Variants in SBK1 observed in about 807,000 individuals in gnomAD.
The protein encoded by SBK1 is SH3 domain binding kinase 1.
In SBK1, 11 loss-of-function variants were observed where a neutral mutation model predicts 24.4. The observed-to-expected ratio is 0.45, with a 90% confidence interval of 0.28 to 0.75. SBK1 has a LOEUF of 0.75. Among genes scored for constraint, SBK1 ranks in the 30% least tolerant of loss-of-function variants. The pLI is 0.12. For missense variants in SBK1, 467 were observed against 620.5 expected, an observed-to-expected ratio of 0.75 and a Z score of 2.63; for synonymous variants, 308 against 284.4, an observed-to-expected ratio of 1.08 and a Z score of -0.83.
intron 1 of SBK1, among the ~76,000 whole-genome samples, chr16:28,296,568 T>C (rs913171898): frequency 6.6e-6 from 1 of 152,102 alleles, no homozygotes; most frequent in African/African-American, 2.4e-5. Flanking sequence ...TTCGTCTGTG[T>C]GTGTTCTGCA....
chr16:28,302,149 G>A (rs926100401), intron 1 of SBK1, among the ~76,000 whole-genome samples: 9 of 152,178 alleles, frequency 5.9e-5, no homozygotes, highest in East Asian at 1.9e-4. Flanking sequence ...ATGGTGCCCC[G>A]TGAAGGCAGA....
intron 1 of SBK1, among the ~76,000 whole-genome samples, chr16:28,276,650 A>T (rs1266598199): frequency 1.3e-5 from 2 of 148,226 alleles, no homozygotes; most frequent in Admixed American, 7.1e-5. Context: ...TTTTTATTTT[A>T]TTTATTTATT....
intron 1 of SBK1, among the ~76,000 whole-genome samples, chr16:28,284,096 G>A (rs1047045440): frequency 6.6e-6 from 1 of 152,104 alleles, no homozygotes; most frequent in Non-Finnish European, 1.5e-5. Context: ...TGGTGACTGA[G>A]TTGGTAACAC....
rs139599772 is a variant in SBK1, at chr16:28,271,143, G to T, written c.257+11641G>T. Among the ~76,000 whole-genome samples the T allele has an allele frequency of 8.6e-3, 1,312 of 152,066 alleles. 18 individuals carry two copies. The highest frequency in any genetic ancestry group is 0.03 in the African/African-American group (1,252 of 41,482). On this transcript the variant is annotated intron_variant, in intron 1 of 3. Transcript: ENST00000671413. Reference sequence around the variant, plus strand: ...CTCCCAAAGTGCTGGGATTACAGGCGTGAGCCACTGCACCCGGCCTACGCA... The same window carrying T: ...CTCCCAAAGTGCTGGGATTACAGGCTTGAGCCACTGCACCCGGCCTACGCA...
At chr16:28,281,845 G>C (rs1196591700) in intron 1 of SBK1, among the ~76,000 whole-genome samples, 1 of 152,172 alleles carries the variant, frequency 6.6e-6, no homozygotes, top group African/African-American at 2.4e-5. Flanking sequence ...GAACAGCCAG[G>C]TGGGTGTCCC....
At chr16:28,294,411 G>A (rs1688443461) in intron 1 of SBK1, among the ~76,000 whole-genome samples, 1 of 152,166 alleles carries the variant, frequency 6.6e-6, no homozygotes, top group Admixed American at 6.5e-5. Context: ...GGCTCGGGAA[G>A]GCAGGACCCA....
chr16:28,305,363 C>T (rs1192154257), intron 1 of SBK1, among the ~76,000 whole-genome samples: 1 of 151,992 alleles, frequency 6.6e-6, no homozygotes, highest in Non-Finnish European at 1.5e-5. Flanking sequence ...CAGGTGTGTG[C>T]TACCACACCT....
Position 28,292,532 on chromosome 16 carries a change from C to T in SBK1, c.-776C>T, listed in dbSNP as rs1320169036. ...GCTGGAGGGCGGAGCCGCGATGCCG[C>T]GATGGAGCGCAGCCCGGGCGGGCGC... On this transcript the variant is annotated 5_prime_UTR_variant, in exon 1 of 4. It introduces an in-frame stop codon into an upstream open reading frame of the 5' UTR. Transcript: ENST00000341901. 40 of 977,756 alleles carry T rather than the reference C, an allele frequency of 4.1e-5. No individual in the cohort carries two copies. Among genetic ancestry groups the T allele is most frequent in the Non-Finnish European group, 4.7e-5 (39 of 826,882 alleles). The allele number at this position is 977,756 out of a possible 1,614,324, so 60.6% of individuals were successfully genotyped here.
chr16:28,266,757 AAC>A lies in SBK1; in HGVS notation c.257+7257_257+7258del, dbSNP rs1491017024. On this transcript the variant is annotated intron_variant, in intron 1 of 3. Transcript: ENST00000671413. ...TCTTTTTTTTTTTTTTTAAAAAAAA[AAC>A]AAAACAGGATCTTGCTCTGTAGCCC... 5.9e-3 allele frequency among the ~76,000 whole-genome samples: 872 copies of A among 147,974 alleles called. 11 individuals carry two copies. Among genetic ancestry groups the A allele is most frequent in the African/African-American group, 0.02 (778 of 39,298 alleles).
Position 28,292,535 on chromosome 16 carries a change from T to C in SBK1, c.-773T>C, listed in dbSNP as rs1190540026. 3.1e-6 allele frequency: 3 copies of C among 970,560 alleles called. No homozygotes were observed. The highest frequency in any genetic ancestry group is 3.6e-6 in the Non-Finnish European group (3 of 825,204). 60.1% of individuals were successfully genotyped at this position (970,560 alleles called of 1,614,324 possible). A position where few individuals can be genotyped will look rare whatever the true frequency, so the allele number is the denominator to read the frequency against. On this transcript the variant is annotated 5_prime_UTR_variant, in exon 1 of 4. The change abolishes an upstream ATG in the 5' untranslated region. Transcript: ENST00000341901. ...GGAGGGCGGAGCCGCGATGCCGCGA[T>C]GGAGCGCAGCCCGGGCGGGCGCCGG...
intron 1 of SBK1, among the ~76,000 whole-genome samples, chr16:28,277,006 G>A (rs1028022231): frequency 6.6e-6 from 1 of 152,094 alleles, no homozygotes; most frequent in African/African-American, 2.4e-5. Flanking sequence ...GGCAAGCGAT[G>A]AAGAGGATAG....
intron 1 of SBK1, chr16:28,287,132 T>A (rs977530126): frequency 8.5e-4 from 124 of 145,532 alleles, no homozygotes; most frequent in African/African-American, 3.1e-3. Context: ...AATAAATAAA[T>A]AAAAATTAAA....
In SBK1 at chr16:28,319,978, G is replaced by A. The variant is rs76822530; in HGVS notation, c.430-98G>A. 45,545 of 1,280,526 alleles carry A rather than the reference G, an allele frequency of 0.036. 3,060 individuals carry two copies. The highest frequency in any genetic ancestry group is 0.23 in the African/African-American group (14,849 of 64,190). The allele number at this position is 1,280,526 out of a possible 1,614,324, so 79.3% of individuals were successfully genotyped here. A position where few individuals can be genotyped will look rare whatever the true frequency, so the allele number is the denominator to read the frequency against. On this transcript the variant is annotated intron_variant, in intron 3 of 3. Coordinates refer to ENST00000341901, the MANE Select transcript of SBK1 (RefSeq NM_001024401.3). This position sits in a 1 kb window ranked among gnomAD's most constrained non-coding sequence, Gnocchi z 4.0. Reference sequence around the variant, plus strand: ...CCCAGTTACTGGGGACAGGGTGGGAGGCGAAAACCGCCTTGCTAGAGAGGG... The same window carrying A: ...CCCAGTTACTGGGGACAGGGTGGGAAGCGAAAACCGCCTTGCTAGAGAGGG...
chr16:28,274,749 T>C (rs1567670970), intron 1 of SBK1, among the ~76,000 whole-genome samples: 2 of 152,102 alleles, frequency 1.3e-5, no homozygotes, highest in Non-Finnish European at 2.9e-5. Flanking sequence ...AAAGGAATCA[T>C]AGTGTTCCAC....
At chr16:28,303,350 G>T (rs912335120) in intron 1 of SBK1, among the ~76,000 whole-genome samples, 11 of 152,104 alleles carry the variant, frequency 7.2e-5, no homozygotes, top group Non-Finnish European at 1.5e-4. Flanking sequence ...GCTCAGAGAG[G>T]TGGGAGTGAG....
At chr16:28,279,413 CAAAAAA>C (rs34582546) in intron 1 of SBK1, among the ~76,000 whole-genome samples, 5 of 84,774 alleles carry the variant, frequency 5.9e-5, no homozygotes, top group Non-Finnish European at 1.1e-4. Flanking sequence ...AAAACAAAAC[CAAAAAA>C]AAAAAAAAAA....
rs539303396 is a variant in SBK1 at position 28,307,292 on chromosome 16, A to G, written c.-7-10093A>G. Among the ~76,000 whole-genome samples, 5 of 152,336 alleles carry G rather than the reference A, an allele frequency of 3.3e-5. No homozygotes were observed. The South Asian group carries it at 1.0e-3, about 32-fold the overall frequency. On this transcript the variant is annotated intron_variant, in intron 1 of 3. Coordinates refer to ENST00000341901, the MANE Select transcript of SBK1 (RefSeq NM_001024401.3). ...GAGACTTATTAACCCCAATACACAG[A>G]TGTGGAAACTGAGGCACAGAGTGGT... is the stretch of plus-strand genomic sequence containing the variant.
At chr16:28,281,620 C>T (rs2044533751) in intron 1 of SBK1, among the ~76,000 whole-genome samples, 1 of 152,122 alleles carries the variant, frequency 6.6e-6, no homozygotes, top group Non-Finnish European at 1.5e-5. Flanking sequence ...GGGTTCAAGT[C>T]CCAGCTAGGG....
At chr16:28,288,028 C>A (rs1212344565), upstream of SBK1, among the ~76,000 whole-genome samples, 3 of 152,116 alleles carry the variant, frequency 2.0e-5, no homozygotes, top group Middle Eastern at 3.4e-3. Flanking sequence ...TTGAGGAAAA[C>A]CCTTGGGAGG....
Sources: allele counts gnomAD v4.1 joint callset (sites outside exome capture counted in the v4.1 genomes callset), GRCh38; gene constraint gnomAD v4.1.1; non-coding constraint Gnocchi (gnomAD v3.1); transcripts MANE v1.5; gene names NCBI Gene and HGNC (gene_info 2026-07-23, HGNC 2026-07-21).